The following MTUS2 variants were observed in gnomAD, a reference collection of about 807,000 sequenced individuals.
MTUS2 encodes the protein microtubule-associated tumor suppressor candidate 2.
A neutral mutation model predicts 114.1 loss-of-function variants in MTUS2; 40 were observed. The ratio of observed to expected loss-of-function variants is 0.35; its 90% CI spans 0.27 to 0.46. The LOEUF is 0.46. Among genes scored for constraint, MTUS2 ranks in the 20% least tolerant of loss-of-function variants. MTUS2 has a pLI of 1.00. For missense variants in MTUS2, 1,679 were observed against 1,705.4 expected (o/e 0.98, Z 0.27); for synonymous variants, 688 against 672.0 (o/e 1.02, Z -0.37).
intron 2 of MTUS2, among the ~76,000 whole-genome samples, chr13:28,890,828 C>G (rs576371251): frequency 7.9e-5 from 12 of 152,180 alleles, no homozygotes; most frequent in East Asian, 1.9e-4. Flanking sequence ...TGCCCTAGAC[C>G]GAGGCCTCCA....
In MTUS2 at chr13:28,832,688, T is replaced by C. The variant is rs377081240; in HGVS notation, c.-315-7090T>C. ...GTATATATTTAAAATTATATATTTA[T>C]ATAAATATAAATAAAAATAAGTACA... On this transcript the variant is annotated intron_variant, in intron 1 of 15. Coordinates refer to ENST00000612955, the MANE Select transcript of MTUS2 (RefSeq NM_001033602.4). Among the ~76,000 whole-genome samples the C allele has an allele frequency of 7.4e-5, 11 of 147,686 alleles. No individual in the cohort carries two copies. In the East Asian group the frequency reaches 2.1e-3, roughly 29 times the overall value.
chr13:29,381,038 T>G (rs4409938), intron 8 of MTUS2, among the ~76,000 whole-genome samples: 105,804 of 146,590 alleles, frequency 0.72, 39,357 homozygotes, highest in East Asian at 0.84. Context: ...TACATTGATT[T>G]TAGGAGGATG....
intron 2 of MTUS2, among the ~76,000 whole-genome samples, chr13:29,006,233 G>T (rs958638285): frequency 6.6e-6 from 1 of 152,078 alleles, no homozygotes; most frequent in Non-Finnish European, 1.5e-5. Flanking sequence ...TTAGTTGTGG[G>T]CACAGAGCAC....
intron 2 of MTUS2, among the ~76,000 whole-genome samples, chr13:29,000,882 C>G (rs1265474829): frequency 6.6e-6 from 1 of 152,200 alleles, no homozygotes; most frequent in Non-Finnish European, 1.5e-5. Context: ...CTCCTTCCTT[C>G]TACGCAGCCC....
At chr13:28,979,335 G>A (rs4768990) in intron 2 of MTUS2, among the ~76,000 whole-genome samples, 26,638 of 152,048 alleles carry the variant, frequency 0.18, 2,884 homozygotes, top group East Asian at 0.52. Context: ...TTATTTTTCA[G>A]AAATCATTGT....
At chr13:29,322,670 C>T (rs1900303986) in intron 6 of MTUS2, among the ~76,000 whole-genome samples, 1 of 152,102 alleles carries the variant, frequency 6.6e-6, no homozygotes, top group South Asian at 2.1e-4. Flanking sequence ...AGTTGGAGCA[C>T]CAGGCATGGT....
At chr13:29,378,291 TA>T (rs202110096) in intron 8 of MTUS2, among the ~76,000 whole-genome samples, 1 of 110,850 alleles carries the variant, frequency 9.0e-6, no homozygotes, top group Admixed American at 1.1e-4. Flanking sequence ...TATAATAAAT[TA>T]AAAAAAGAAA....
chr13:29,485,644 G>T (rs922689296), intron 10 of MTUS2, among the ~76,000 whole-genome samples: 1 of 152,118 alleles, frequency 6.6e-6, no homozygotes, highest in Admixed American at 6.5e-5. Context: ...TAATACAATG[G>T]GCGTGGTATT....
chr13:28,944,971 C>A (rs907180372), intron 2 of MTUS2, among the ~76,000 whole-genome samples: 2 of 152,122 alleles, frequency 1.3e-5, no homozygotes, highest in Non-Finnish European at 2.9e-5. Flanking sequence ...TTCCTCACCC[C>A]CTCCCACCCT....
intron 7 of MTUS2, among the ~76,000 whole-genome samples, chr13:29,348,557 A>G (rs1394020113): frequency 6.6e-6 from 1 of 152,216 alleles, no homozygotes; most frequent in Non-Finnish European, 1.5e-5. Context: ...GGAATGTTCT[A>G]CAAATGTCAT....
intron 2 of MTUS2, among the ~76,000 whole-genome samples, chr13:28,893,458 C>T (rs561559067): frequency 2.6e-5 from 4 of 152,130 alleles, no homozygotes; most frequent in East Asian, 1.9e-4. Flanking sequence ...TCCTGAGTGC[C>T]GAAGGTAAAG....
chr13:29,139,734 G>A (rs1300967007), intron 5 of MTUS2, among the ~76,000 whole-genome samples: 1 of 152,150 alleles, frequency 6.6e-6, no homozygotes, highest in African/African-American at 2.4e-5. Flanking sequence ...ATTATTTAGA[G>A]TCATATTTGT....
intron 5 of MTUS2, among the ~76,000 whole-genome samples, chr13:29,119,372 G>C (rs891121424): frequency 2.0e-5 from 3 of 152,148 alleles, no homozygotes; most frequent in African/African-American, 7.2e-5. Context: ...ATGATAAATG[G>C]CTTAGTAAAT....
At chr13:29,212,498 A>T (rs943363865) in intron 5 of MTUS2, among the ~76,000 whole-genome samples, 1 of 152,212 alleles carries the variant, frequency 6.6e-6, no homozygotes, top group African/African-American at 2.4e-5. Flanking sequence ...GCTCAATCTC[A>T]CAAGACTGCC....
chr13:28,836,252 C>T lies in MTUS2; in HGVS notation c.-315-3526C>T, dbSNP rs367803742. Among the ~76,000 whole-genome samples, 159 of 152,268 alleles carry T rather than the reference C, an allele frequency of 1.0e-3. 1 individual carries two copies. Among genetic ancestry groups the T allele is most frequent in the African/African-American group, 3.6e-3 (151 of 41,556 alleles). Reference sequence around the variant, plus strand: ...AATAAAGTATTTCATACTTACAGCACGTCTCAGTTTAGGCTAGCCACATTT... The same window carrying T: ...AATAAAGTATTTCATACTTACAGCATGTCTCAGTTTAGGCTAGCCACATTT... On this transcript the variant is annotated intron_variant, in intron 1 of 15. Coordinates refer to ENST00000612955, the MANE Select transcript of MTUS2 (RefSeq NM_001033602.4).
intron 5 of MTUS2, among the ~76,000 whole-genome samples, chr13:29,162,605 A>G (rs768230684): frequency 6.6e-6 from 1 of 152,240 alleles, no homozygotes; most frequent in Non-Finnish European, 1.5e-5. Flanking sequence ...GTTAAAACAG[A>G]GACCTTCTTT....
At chr13:28,865,023 T>C (rs1362385664) in intron 2 of MTUS2, among the ~76,000 whole-genome samples, 2 of 152,206 alleles carry the variant, frequency 1.3e-5, no homozygotes, top group African/African-American at 4.8e-5. Flanking sequence ...AAATAACATC[T>C]AAAATTCTTT....
intron 11 of MTUS2, among the ~76,000 whole-genome samples, chr13:29,491,456 TGTA>T (rs1002018312): frequency 7.4e-6 from 1 of 135,298 alleles, no homozygotes; most frequent in Non-Finnish European, 1.6e-5. Context: ...GGGTGTGTGG[TGTA>T]GGTTTGTATG....
chr13:29,491,447 GGT>G (rs1463997232), intron 11 of MTUS2, among the ~76,000 whole-genome samples: 2 of 145,932 alleles, frequency 1.4e-5, no homozygotes, highest in African/African-American at 5.1e-5. Context: ...GTGTGTAGTG[GGT>G]GTGTGGTGTA....
Sources: gnomAD v4.1 joint callset for allele counts (sites outside exome capture counted in the v4.1 genomes callset) on GRCh38, gnomAD v4.1.1 for gene constraint, MANE v1.5 for transcripts, NCBI Gene and HGNC (gene_info 2026-07-23, HGNC 2026-07-21) for gene names.